LHFPL6: variants seen among roughly 807,000 people sequenced by gnomAD.
LHFPL6 encodes the protein LHFPL tetraspan subfamily member 6 protein.
Under a neutral mutation model 20.6 loss-of-function variants are expected in LHFPL6, and 9 were observed. The observed-to-expected ratio is 0.44, with a 90% confidence interval of 0.26 to 0.76. LHFPL6 has a LOEUF of 0.76. Among genes scored for constraint, LHFPL6 ranks in the 30% least tolerant of loss-of-function variants. The probability of loss-of-function intolerance (pLI) is 0.20; values close to 1 mark genes in which losing one functional copy is unlikely to be tolerated. For missense variants in LHFPL6, 218 were observed against 253.5 expected, an observed-to-expected ratio of 0.86 and a Z score of 0.95; for synonymous variants, 105 against 98.7, an observed-to-expected ratio of 1.06 and a Z score of -0.38.
At chr13:39,562,695 C>CACATAT (rs765672489) in intron 2 of LHFPL6, among the ~76,000 whole-genome samples, 10,451 of 145,388 alleles carry the variant, frequency 0.072, 547 homozygotes, top group East Asian at 0.21. Context: ...CACACACACA[C>CACATAT]ATATATATAT....
chr13:39,574,055 C>T (rs1036401945), intron 2 of LHFPL6, among the ~76,000 whole-genome samples: 1 of 152,120 alleles, frequency 6.6e-6, no homozygotes, highest in Admixed American at 6.5e-5. Flanking sequence ...TGGGAAGGAA[C>T]AGATTTTGAC....
chr13:39,512,922 C>T (rs908362687), intron 2 of LHFPL6, among the ~76,000 whole-genome samples: 1 of 152,218 alleles, frequency 6.6e-6, no homozygotes, highest in South Asian at 2.1e-4. Context: ...CCCAGGCACG[C>T]GCGACACTGT....
intron 2 of LHFPL6, among the ~76,000 whole-genome samples, chr13:39,519,453 T>C (rs1369469589): frequency 6.6e-6 from 1 of 152,190 alleles, no homozygotes; most frequent in Non-Finnish European, 1.5e-5. Flanking sequence ...CCCAGATCAC[T>C]GAGTGTTAAA....
intron 2 of LHFPL6, among the ~76,000 whole-genome samples, chr13:39,545,768 T>C (rs1427114130): frequency 2.0e-5 from 3 of 152,066 alleles, no homozygotes. Context: ...TACTGTATTT[T>C]AAAAATTTGT....
rs140837755 is a variant in LHFPL6 at position 39,437,578 on chromosome 13, A to G, written c.386-59052T>C. Among the ~76,000 whole-genome samples, 158 of 152,312 alleles carry G rather than the reference A, an allele frequency of 1.0e-3. 3 individuals carry two copies. The East Asian group carries it at 0.025, about 25-fold the overall frequency. On this transcript the variant is annotated intron_variant, in intron 2 of 3. Transcript: ENST00000379589. ...ATGAAATATTTTTTCTTAATAAATT[A>G]TTGAGTCTCAGGTATTTCTTTACAG...
chr13:39,470,839 A>G (rs1872925594), intron 2 of LHFPL6, among the ~76,000 whole-genome samples: 1 of 152,234 alleles, frequency 6.6e-6, no homozygotes, highest in African/African-American at 2.4e-5. Context: ...CGATTTATCT[A>G]ATGTTATGGA....
At chr13:39,463,439 A>G (rs926361476) in intron 2 of LHFPL6, among the ~76,000 whole-genome samples, 1 of 152,234 alleles carries the variant, frequency 6.6e-6, no homozygotes, top group African/African-American at 2.4e-5. Flanking sequence ...TCTTAGAAGA[A>G]TAATATTGAT....
rs1483418062 is a variant in LHFPL6, at chr13:39,343,246, AG to A, written c.*689del. Reference sequence around the variant, plus strand: ...TGAGGAACTAAATTAGAGTTTATGCAGGATATACAAAATACTGATAGTTTGG... The same window carrying A: ...TGAGGAACTAAATTAGAGTTTATGCAGATATACAAAATACTGATAGTTTGG... On this transcript the variant is annotated 3_prime_UTR_variant, in exon 4 of 4. Transcript: ENST00000379589. The A allele has an allele frequency of 2.3e-5, 5 of 215,038 alleles. No individual in the cohort carries two copies. Among genetic ancestry groups the A allele is most frequent in the Admixed American group, 5.8e-5 (1 of 17,204 alleles). 13.3% of individuals were successfully genotyped at this position (215,038 alleles called of 1,614,324 possible).
At chr13:39,451,891 A>C (rs533684515) in intron 2 of LHFPL6, among the ~76,000 whole-genome samples, 1 of 152,262 alleles carries the variant, frequency 6.6e-6, no homozygotes, top group East Asian at 1.9e-4. Flanking sequence ...TAGTAATAAA[A>C]CTATAGAAAG....
chr13:39,559,954 C>T (rs1411595925), intron 2 of LHFPL6, among the ~76,000 whole-genome samples: 2 of 152,066 alleles, frequency 1.3e-5, no homozygotes, highest in African/African-American at 4.8e-5. Context: ...ACTGAATGAA[C>T]GCCCTCTCAA....
intron 2 of LHFPL6, among the ~76,000 whole-genome samples, chr13:39,482,510 T>G (rs186529540): frequency 4.6e-5 from 7 of 151,110 alleles, no homozygotes; most frequent in Middle Eastern, 3.5e-3. Flanking sequence ...AAGATAAGAA[T>G]AGCTTGTGAT....
chr13:39,518,279 T>C (rs1178475908), intron 2 of LHFPL6, among the ~76,000 whole-genome samples: 1 of 152,196 alleles, frequency 6.6e-6, no homozygotes, highest in Non-Finnish European at 1.5e-5. Flanking sequence ...AAGTTAGTTT[T>C]CCCAGATCCC....
intron 2 of LHFPL6, among the ~76,000 whole-genome samples, chr13:39,544,655 C>A (rs909049543): frequency 3.3e-5 from 5 of 151,280 alleles, no homozygotes; most frequent in African/African-American, 1.2e-4. Flanking sequence ...TGATTCTTTC[C>A]TTATAAAGTA....
intron 2 of LHFPL6, among the ~76,000 whole-genome samples, chr13:39,589,000 C>T (rs1872530409): frequency 6.6e-6 from 1 of 152,158 alleles, no homozygotes; most frequent in Admixed American, 6.6e-5. Context: ...AAATCTGAGA[C>T]CCATGGAGGG....
intron 2 of LHFPL6, among the ~76,000 whole-genome samples, chr13:39,494,975 T>C (rs2138457526): frequency 6.6e-6 from 1 of 152,334 alleles, no homozygotes. Flanking sequence ...CTGCCTATAC[T>C]GCCCCACCAC....
At chr13:39,409,636 C>G (rs572123725) in intron 2 of LHFPL6, among the ~76,000 whole-genome samples, 8 of 152,062 alleles carry the variant, frequency 5.3e-5, no homozygotes, top group Non-Finnish European at 8.8e-5. Context: ...CCACAGTACA[C>G]AAATTTGACA....
At chr13:39,564,351 A>T (rs1365734874) in intron 2 of LHFPL6, among the ~76,000 whole-genome samples, 1 of 152,230 alleles carries the variant, frequency 6.6e-6, no homozygotes, top group East Asian at 1.9e-4. Flanking sequence ...AATAAAGAAT[A>T]AAAATGAACA....
chr13:39,469,511 T>A (rs1445762020), intron 2 of LHFPL6, among the ~76,000 whole-genome samples: 2 of 152,176 alleles, frequency 1.3e-5, no homozygotes, highest in African/African-American at 4.8e-5. Context: ...CACCTGGGCA[T>A]GACCCCCAAA....
rs1309325649 is a variant in LHFPL6, at chr13:39,421,102, AAC to A, written c.386-42578_386-42577del. 6.7e-4 allele frequency among the ~76,000 whole-genome samples: 13 copies of A among 19,458 alleles called. No homozygotes were observed. In the East Asian group the frequency reaches 0.39, roughly 588 times the overall value. The allele number at this position is 19,458 out of a possible 152,430, so 12.8% of individuals were successfully genotyped here. A position where few individuals can be genotyped will look rare whatever the true frequency, so the allele number is the denominator to read the frequency against. ...TATCTGTCTATCAGATAACAACAAC[AAC>A]AAAAAAAACTAAATCACAAGTGTGA... is the stretch of plus-strand genomic sequence containing the variant. On this transcript the variant is annotated intron_variant, in intron 2 of 3. Transcript: ENST00000379589.
Sources: gnomAD v4.1 joint callset for allele counts (sites outside exome capture counted in the v4.1 genomes callset) on GRCh38, gnomAD v4.1.1 for gene constraint, MANE v1.5 for transcripts, NCBI Gene and HGNC (gene_info 2026-07-23, HGNC 2026-07-21) for gene names.